Variants in RREB1 observed in about 807,000 individuals in gnomAD.
RREB1 encodes the protein ras responsive element binding protein 1, also known as ras-responsive element-binding protein 1.
RREB1 carries 27 observed loss-of-function variants against 117.8 expected under a neutral mutation model. That is an observed-to-expected ratio of 0.23 (90% confidence interval 0.17 to 0.32). The LOEUF (loss-of-function observed/expected upper bound fraction) is 0.32. Among genes scored for constraint, RREB1 ranks in the 10% least tolerant of loss-of-function variants. The pLI is 1.00. For missense variants in RREB1, 2,577 were observed against 2,378.2 expected (o/e 1.08, Z -1.74); for synonymous variants, 1,298 against 1,026.7 (o/e 1.26, Z -5.05).
chr6:7,243,697 G>T (rs1409682394), intron 11 of RREB1, among the ~76,000 whole-genome samples: 1 of 152,170 alleles, frequency 6.6e-6, no homozygotes, highest in Non-Finnish European at 1.5e-5. Flanking sequence ...AGCCCCCTGT[G>T]TCCAAAGAGG....
chr6:7,244,753 A>G (rs1016618634), intron 11 of RREB1, among the ~76,000 whole-genome samples: 26 of 152,238 alleles, frequency 1.7e-4, no homozygotes, highest in African/African-American at 5.8e-4. Context: ...TAGCCGCGTT[A>G]TGCAGATGGC....
chr6:7,200,242 A>ATGTGTGTGTGTG lies in RREB1; in HGVS notation c.426-10561_426-10560insGTGTGTGTGTGT, dbSNP rs762239284. On this transcript the variant is annotated intron_variant, in intron 6 of 12. Transcript: ENST00000379938. ...TGTATATATATATATGTATGTGTGTATATGTGTGTGTGTGTGTGTGTGTGT... is the reference window on the plus strand; with the variant it reads ...TGTATATATATATATGTATGTGTGTATGTGTGTGTGTGTATGTGTGTGTGTGTGTGTGTGTGT... 1.4e-4 allele frequency among the ~76,000 whole-genome samples: 15 copies of ATGTGTGTGTGTG among 104,444 alleles called. 1 individual carries two copies. The highest frequency in any genetic ancestry group is 9.8e-3 in the Middle Eastern group (2 of 204). The allele number at this position is 104,444 out of a possible 152,430, so 68.5% of individuals were successfully genotyped here. A position where few individuals can be genotyped will look rare whatever the true frequency, so the allele number is the denominator to read the frequency against.
At chr6:7,195,781 C>T (rs1372473193) in intron 6 of RREB1, among the ~76,000 whole-genome samples, 1 of 152,204 alleles carries the variant, frequency 6.6e-6, no homozygotes, top group Non-Finnish European at 1.5e-5. Flanking sequence ...CTTCCCAGGA[C>T]ACCCACACCC....
chr6:7,191,658 A>G (rs1237188487), intron 6 of RREB1, among the ~76,000 whole-genome samples: 2 of 152,336 alleles, frequency 1.3e-5, no homozygotes, highest in Admixed American at 6.5e-5. Flanking sequence ...TCAACGTCTC[A>G]TAGTTTTCAG....
chr6:7,175,063 G>A (rs896311473), intron 1 of RREB1, among the ~76,000 whole-genome samples: 1 of 152,018 alleles, frequency 6.6e-6, no homozygotes, highest in Non-Finnish European at 1.5e-5. Context: ...TTCAGGCTTT[G>A]TTCCTAATGA....
intron 1 of RREB1, among the ~76,000 whole-genome samples, chr6:7,125,011 G>C (rs971598012): frequency 6.6e-6 from 1 of 152,204 alleles, no homozygotes; most frequent in African/African-American, 2.4e-5. Flanking sequence ...GAGGCACATC[G>C]AGGGGAAAAC....
rs1766393638 is a variant in RREB1 at position 7,208,415 on chromosome 6, G to T, written c.426-2389G>T. 2.6e-5 allele frequency among the ~76,000 whole-genome samples: 4 copies of T among 152,236 alleles called. No homozygotes were observed. In the South Asian group the frequency reaches 8.3e-4, roughly 31 times the overall value. On this transcript the variant is annotated intron_variant, in intron 6 of 12. Coordinates refer to ENST00000379938, the MANE Select transcript of RREB1 (RefSeq NM_001003699.4). ...CTGGCCGGACCCCTCCAACCCTGCA[G>T]TTCACCCGTGGGCTGAATTGAGGTT... is the stretch of plus-strand genomic sequence containing the variant.
Position 7,229,247 on chromosome 6 carries a change from C to T in RREB1, c.1148C>T (p.Pro383Leu), listed in dbSNP as rs1416003926. The T allele has an allele frequency of 6.2e-7, 1 of 1,613,986 alleles. No individual in the cohort carries two copies. The highest frequency in any genetic ancestry group is 8.5e-7 in the Non-Finnish European group (1 of 1,179,976). Reference protein sequence around the residue: ...KDVRPAPAEEPLPDDNQAIQL... With the variant: ...KDVRPAPAEELLPDDNQAIQL... Reference sequence around the variant, plus strand: ...GTCAGGCCTGCCCCCGCCGAGGAGCCCCTGCCGGATGACAACCAGGCAATT... The same window carrying T: ...GTCAGGCCTGCCCCCGCCGAGGAGCTCCTGCCGGATGACAACCAGGCAATT... Residue 383 changes from proline to leucine, a missense_variant, in exon 10 of 13, where the codon CCC (proline) becomes CTC (leucine). By Grantham distance (98) the Pro-to-Leu change is moderately conservative (BLOSUM62 -3). Transcript: ENST00000379938. This position sits in a 1 kb window ranked among gnomAD's most constrained non-coding sequence, Gnocchi z 4.5.
At position 7,231,435 on chromosome 6, in the gene RREB1, C is replaced by T; in HGVS notation, c.3336C>T (p.Ala1112=). Residue 1112 remains alanine, a synonymous_variant, in exon 10 of 13, where the codon GCC becomes GCT. Coordinates refer to ENST00000379938, the MANE Select transcript of RREB1 (RefSeq NM_001003699.4). ...TAGGAGGTTCTGTCCCCAAAGCCGC[C>T]ACCACCGCCACCCCCGCTGCCACCA... is the stretch of plus-strand genomic sequence containing the variant. ...DSLGGSVPKA[A]TTATPAATTS... 6.2e-7 allele frequency: 1 copy of T among 1,612,330 alleles called. No individual in the cohort carries two copies. The highest frequency in any genetic ancestry group is 8.5e-7 in the Non-Finnish European group (1 of 1,179,474).
chr6:7,108,361 T>G (rs1398500033), intron 1 of RREB1, among the ~76,000 whole-genome samples: 1 of 150,588 alleles, frequency 6.6e-6, no homozygotes, highest in Non-Finnish European at 1.5e-5. Context: ...CTCTTTTCCC[T>G]TTCCCGAGCC....
Position 7,224,309 on chromosome 6 carries a change from C to A in RREB1, c.708-2158C>A, listed in dbSNP as rs549074506. Reference sequence around the variant, plus strand: ...TTATATATCTTTTTTTAAAAGGAACCTTTTTAAAAAGCATAGCCAAAATAT... The same window carrying A: ...TTATATATCTTTTTTTAAAAGGAACATTTTTAAAAAGCATAGCCAAAATAT... On this transcript the variant is annotated intron_variant, in intron 8 of 12. Transcript: ENST00000379938. 2.0e-5 allele frequency among the ~76,000 whole-genome samples: 3 copies of A among 151,994 alleles called. No individual in the cohort carries two copies. In the South Asian group the frequency reaches 6.2e-4, roughly 32 times the overall value.
chr6:7,110,745 C>T (rs888768374), intron 1 of RREB1, among the ~76,000 whole-genome samples: 5 of 152,198 alleles, frequency 3.3e-5, no homozygotes, highest in Admixed American at 6.5e-5. Context: ...TTGTCTTTGT[C>T]TTAAAAATAC....
intron 1 of RREB1, among the ~76,000 whole-genome samples, chr6:7,169,953 G>C (rs186286507): frequency 1.7e-4 from 26 of 152,318 alleles, no homozygotes; most frequent in Admixed American, 3.3e-4. Flanking sequence ...CCTCCCTGCT[G>C]AAGTTATATT....
intron 6 of RREB1, among the ~76,000 whole-genome samples, chr6:7,190,664 T>C (rs1765357883): frequency 6.6e-6 from 1 of 152,266 alleles, no homozygotes; most frequent in African/African-American, 2.4e-5. Context: ...ATAGTGTTAC[T>C]ATTTTACAAT....
At position 7,132,362 on chromosome 6, in the gene RREB1, G is replaced by A. The variant is rs554146177; in HGVS notation, c.-285+24302G>A. On this transcript the variant is annotated intron_variant, in intron 1 of 12. Transcript: ENST00000379938. The stretch of plus-strand genomic sequence containing the variant: ...GAGCCACCGTGCCCAGCCGAGATTG[G>A]GTTTTACTGTGTTGCCCAGTCTGGT... 6.3e-5 allele frequency among the ~76,000 whole-genome samples: 7 copies of A among 111,532 alleles called. No homozygotes were observed. In the East Asian group the frequency reaches 1.4e-3, roughly 22 times the overall value. The allele number at this position is 111,532 out of a possible 152,430, so 73.2% of individuals were successfully genotyped here. A position where few individuals can be genotyped will look rare whatever the true frequency, so the allele number is the denominator to read the frequency against.
intron 1 of RREB1, among the ~76,000 whole-genome samples, chr6:7,158,140 T>C (rs1283619882): frequency 6.6e-6 from 1 of 152,120 alleles, no homozygotes; most frequent in Admixed American, 6.6e-5. Flanking sequence ...CAAAAGAATG[T>C]AGCCTAACCC....
At chr6:7,131,007 C>T (rs575606438) in intron 1 of RREB1, among the ~76,000 whole-genome samples, 9 of 139,620 alleles carry the variant, frequency 6.4e-5, no homozygotes, top group East Asian at 2.2e-4. Flanking sequence ...GGCGCGATCT[C>T]GGCTCACTGC....
intron 1 of RREB1, among the ~76,000 whole-genome samples, chr6:7,163,313 T>C (rs1763758902): frequency 1.3e-5 from 2 of 151,956 alleles, no homozygotes; most frequent in Admixed American, 1.3e-4. Context: ...TCTGAAATAC[T>C]TCGTGGAAAT....
chr6:7,108,893 C>A (rs1760984401), intron 1 of RREB1, among the ~76,000 whole-genome samples: 1 of 151,632 alleles, frequency 6.6e-6, no homozygotes, highest in African/African-American at 2.4e-5. Flanking sequence ...CGCCGACCAC[C>A]GCCCCGGGGG....
Sources: allele counts gnomAD v4.1 joint callset (sites outside exome capture counted in the v4.1 genomes callset), GRCh38; gene constraint gnomAD v4.1.1; non-coding constraint Gnocchi (gnomAD v3.1); transcripts MANE v1.5; gene names NCBI Gene and HGNC (gene_info 2026-07-23, HGNC 2026-07-21).